SSH2: variants seen among roughly 807,000 people sequenced by gnomAD.
SSH2 encodes the protein protein phosphatase Slingshot homolog 2.
In SSH2, 37 loss-of-function variants were observed where a neutral mutation model predicts 135.2. That is an observed-to-expected ratio of 0.27 (90% CI 0.21 to 0.36). The LOEUF (loss-of-function observed/expected upper bound fraction) is 0.36, where lower values mean the gene tolerates loss of function less well. Among genes scored for constraint, SSH2 ranks in the 10% least tolerant of loss-of-function variants. The pLI is 1.00. For missense variants in SSH2, 1,408 were observed against 1,765.3 expected (o/e 0.80, Z 3.63); for synonymous variants, 628 against 646.2 (o/e 0.97, Z 0.43).
At chr17:29,927,879 A>G (rs1234126368) in intron 1 of SSH2, among the ~76,000 whole-genome samples, 1 of 152,180 alleles carries the variant, frequency 6.6e-6, no homozygotes, top group Non-Finnish European at 1.5e-5. Flanking sequence ...TTGCTCAACA[A>G]CTGAGCTTAT....
intron 12 of SSH2, among the ~76,000 whole-genome samples, chr17:29,653,724 T>C (rs1378262771): frequency 6.6e-6 from 1 of 152,098 alleles, no homozygotes; most frequent in Non-Finnish European, 1.5e-5. Flanking sequence ...GTAGCTGGGA[T>C]TACAGGTGCC....
At chr17:29,685,846 CTTTTTCTTTTT>C (rs2038192304) in intron 5 of SSH2, among the ~76,000 whole-genome samples, 1 of 148,892 alleles carries the variant, frequency 6.7e-6, no homozygotes, top group Non-Finnish European at 1.5e-5. Flanking sequence ...TCTTTCTTTT[CTTTTTCTTTTT>C]TTTTTTTTGA....
At chr17:29,923,648 G>A (rs1209312786) in intron 1 of SSH2, among the ~76,000 whole-genome samples, 8 of 151,134 alleles carry the variant, frequency 5.3e-5, no homozygotes, top group South Asian at 2.1e-4. Flanking sequence ...GGGGCAGGGG[G>A]GTTGGAAAAA....
At chr17:29,773,023 A>G (rs1033149481) in intron 3 of SSH2, among the ~76,000 whole-genome samples, 13 of 57,456 alleles carry the variant, frequency 2.3e-4, no homozygotes, top group African/African-American at 7.2e-4. Context: ...CCATCTGTCC[A>G]TCCATCCATC....
intron 3 of SSH2, among the ~76,000 whole-genome samples, chr17:29,707,996 C>T (rs3115090): frequency 0.55 from 82,784 of 151,816 alleles, 22,889 homozygotes; most frequent in East Asian, 0.69. Flanking sequence ...CAGAAATAAG[C>T]GTGTGGCTGA....
At chr17:29,810,970 T>G (rs901070612) in intron 2 of SSH2, among the ~76,000 whole-genome samples, 3 of 152,146 alleles carry the variant, frequency 2.0e-5, no homozygotes, top group Non-Finnish European at 2.9e-5. Context: ...CATTAGTGTA[T>G]TTTATATGTG....
intron 3 of SSH2, among the ~76,000 whole-genome samples, chr17:29,735,301 C>T (rs1054712804): frequency 1.3e-5 from 2 of 152,138 alleles, no homozygotes; most frequent in African/African-American, 2.4e-5. Context: ...AAGAGGCAAA[C>T]GCTCAGTGAT....
intron 14 of SSH2, chr17:29,640,614 C>G (rs2036118703): frequency 6.6e-6 from 1 of 152,076 alleles, no homozygotes; most frequent in African/African-American, 2.4e-5. Flanking sequence ...AAAAAACAAT[C>G]TAAAGATAGG....
chr17:29,915,966 C>T (rs1274957658), intron 1 of SSH2, among the ~76,000 whole-genome samples: 2 of 145,264 alleles, frequency 1.4e-5, no homozygotes, highest in South Asian at 2.3e-4. Flanking sequence ...TCTCCTAATG[C>T]TATCCCTCCC....
At chr17:29,858,182 C>T (rs1000453927) in intron 1 of SSH2, among the ~76,000 whole-genome samples, 1 of 152,152 alleles carries the variant, frequency 6.6e-6, no homozygotes, top group Admixed American at 6.5e-5. Flanking sequence ...CAGAGATATC[C>T]CATGATTCAG....
intron 3 of SSH2, among the ~76,000 whole-genome samples, chr17:29,712,855 T>C (rs2039489993): frequency 6.6e-6 from 1 of 152,030 alleles, no homozygotes; most frequent in African/African-American, 2.4e-5. Flanking sequence ...ATCTAATATA[T>C]CAACTGAAGC....
At chr17:29,850,646 C>T (rs1405991140) in intron 1 of SSH2, among the ~76,000 whole-genome samples, 1 of 152,152 alleles carries the variant, frequency 6.6e-6, no homozygotes. Context: ...GGCATTGTCC[C>T]TCTCTCTTCC....
chr17:29,868,820 C>T (rs1350685494), intron 1 of SSH2, among the ~76,000 whole-genome samples: 1 of 151,774 alleles, frequency 6.6e-6, no homozygotes, highest in Non-Finnish European at 1.5e-5. Context: ...CCTGCAGAAT[C>T]CTCCCCGTTC....
At chr17:29,904,053 A>T (rs902961830) in intron 1 of SSH2, among the ~76,000 whole-genome samples, 1 of 152,194 alleles carries the variant, frequency 6.6e-6, no homozygotes, top group Non-Finnish European at 1.5e-5. Flanking sequence ...ATGGATTCAC[A>T]GCTGAATTTA....
intron 3 of SSH2, among the ~76,000 whole-genome samples, chr17:29,784,598 CAAA>C (rs59705618): frequency 4.3e-5 from 6 of 138,464 alleles, no homozygotes; most frequent in African/African-American, 1.0e-4. Context: ...GACTCCTTCT[CAAA>C]AAAAAAAAAA....
At chr17:29,844,436 C>T (rs1313479711) in intron 2 of SSH2, among the ~76,000 whole-genome samples, 1 of 152,172 alleles carries the variant, frequency 6.6e-6, no homozygotes, top group Admixed American at 6.5e-5. Flanking sequence ...TAATTGGAAT[C>T]CCAGCTCATC....
intron 1 of SSH2, among the ~76,000 whole-genome samples, chr17:29,921,151 C>T (rs1435318586): frequency 1.3e-5 from 2 of 152,124 alleles, no homozygotes; most frequent in African/African-American, 4.8e-5. Context: ...GTTGTGAGGT[C>T]AGACACCAGG....
intron 1 of SSH2, among the ~76,000 whole-genome samples, chr17:29,907,795 A>G (rs2066683017): frequency 6.6e-6 from 1 of 151,908 alleles, no homozygotes; most frequent in Non-Finnish European, 1.5e-5. Context: ...GTCAGTGTCA[A>G]AATGCATCAA....
At chr17:29,861,836 C>T (rs2065770801) in intron 1 of SSH2, among the ~76,000 whole-genome samples, 1 of 152,198 alleles carries the variant, frequency 6.6e-6, no homozygotes, top group African/African-American at 2.4e-5. Context: ...CAGGCATGAG[C>T]CACTGTGCCT....
Sources: allele counts gnomAD v4.1 joint callset (sites outside exome capture counted in the v4.1 genomes callset), GRCh38; gene constraint gnomAD v4.1.1; transcripts MANE v1.5; gene names NCBI Gene and HGNC (gene_info 2026-07-23, HGNC 2026-07-21).